KIF21A: variants seen among roughly 807,000 people sequenced by gnomAD.
KIF21A encodes the protein kinesin-like protein KIF21A.
KIF21A carries 114 observed loss-of-function variants against 202.9 expected under a neutral mutation model. The observed-to-expected ratio is 0.56, with a 90% CI of 0.48 to 0.66. The LOEUF (loss-of-function observed/expected upper bound fraction) is 0.66, where lower values mean the gene tolerates loss of function less well. KIF21A is among the 30% of genes least tolerant of loss of function. The pLI is 0.00. For missense variants in KIF21A, 1,677 were observed against 1,994.9 expected, an observed-to-expected ratio of 0.84 and a Z score of 3.04; for synonymous variants, 667 against 670.8, an observed-to-expected ratio of 0.99 and a Z score of 0.09.
intron 1 of KIF21A, among the ~76,000 whole-genome samples, chr12:39,432,339 G>A (rs573519505): frequency 1.8e-4 from 28 of 152,252 alleles, no homozygotes; most frequent in African/African-American, 6.3e-4. Context: ...TATTCTGGGT[G>A]AGCAGCACTA....
At chr12:39,359,204 T>C (rs1949019251) in intron 7 of KIF21A, among the ~76,000 whole-genome samples, 1 of 152,160 alleles carries the variant, frequency 6.6e-6, no homozygotes, top group Non-Finnish European at 1.5e-5. Context: ...ACAGTACTCG[T>C]AGGTACCCCT....
chr12:39,417,449 C>T (rs1418413843), intron 1 of KIF21A, among the ~76,000 whole-genome samples: 2 of 152,070 alleles, frequency 1.3e-5, no homozygotes, highest in Admixed American at 1.3e-4. Context: ...TTATGAAACA[C>T]ACAAGAAATG....
At chr12:39,432,405 G>C (rs1258278420) in intron 1 of KIF21A, among the ~76,000 whole-genome samples, 1 of 152,086 alleles carries the variant, frequency 6.6e-6, no homozygotes, top group African/African-American at 2.4e-5. Flanking sequence ...TTCATCAGTA[G>C]AAATGAAACA....
At chr12:39,304,535 T>C (rs953525269) in intron 35 of KIF21A, among the ~76,000 whole-genome samples, 6 of 152,192 alleles carry the variant, frequency 3.9e-5, no homozygotes, top group African/African-American at 1.4e-4. Context: ...GATCATAATA[T>C]TTTCGGGATA....
At chr12:39,344,362 A>G (rs2138482402) in intron 12 of KIF21A, among the ~76,000 whole-genome samples, 1 of 152,212 alleles carries the variant, frequency 6.6e-6, no homozygotes, top group Non-Finnish European at 1.5e-5. Flanking sequence ...TAGGGCTAGG[A>G]AAGGACAATT....
chr12:39,358,503 A>C (rs1247758358), intron 7 of KIF21A, 130 bp from the exon 8 acceptor site: 1 of 820,058 alleles, frequency 1.2e-6, no homozygotes, highest in African/African-American at 1.7e-5. Flanking sequence ...CAAATTTAAA[A>C]GCCCCTGTAC....
intron 37 of KIF21A, 27 bp downstream of exon 37, chr12:39,301,453 A>G (rs1942953928): frequency 6.4e-7 from 1 of 1,564,172 alleles, no homozygotes; most frequent in Non-Finnish European, 8.8e-7. Flanking sequence ...CAACCAATAT[A>G]GAGAAAAATC....
At chr12:39,345,837 T>G (rs1592258097) in intron 12 of KIF21A, among the ~76,000 whole-genome samples, 1 of 152,050 alleles carries the variant, frequency 6.6e-6, no homozygotes, top group East Asian at 1.9e-4. Context: ...TTTTGCTCGT[T>G]TCAAATGAAA....
intron 1 of KIF21A, among the ~76,000 whole-genome samples, chr12:39,414,774 G>T (rs1045512605): frequency 6.6e-6 from 1 of 152,090 alleles, no homozygotes; most frequent in Middle Eastern, 3.2e-3. Flanking sequence ...CAAAAATTTA[G>T]AGAGTCAATC....
intron 5 of KIF21A, 79 bp downstream of exon 5, chr12:39,366,951 C>G (rs1949643039): frequency 1.5e-6 from 2 of 1,374,978 alleles, no homozygotes; most frequent in East Asian, 4.6e-5. Flanking sequence ...GAATTTGGCT[C>G]AAATATATTC....
intron 1 of KIF21A, among the ~76,000 whole-genome samples, chr12:39,413,032 T>A (rs1287031244): frequency 1.3e-5 from 2 of 152,216 alleles, no homozygotes; most frequent in East Asian, 3.8e-4. Context: ...GATTTTGAAA[T>A]TTGAATTTGA....
intron 1 of KIF21A, among the ~76,000 whole-genome samples, chr12:39,440,457 A>G (rs1423013719): frequency 6.6e-6 from 1 of 152,216 alleles, no homozygotes; most frequent in African/African-American, 2.4e-5. Context: ...GATTGTTATG[A>G]GGAATAAATA....
At chr12:39,415,295 A>G (rs1246844473) in intron 1 of KIF21A, among the ~76,000 whole-genome samples, 1 of 124,686 alleles carries the variant, frequency 8.0e-6, no homozygotes, top group African/African-American at 3.2e-5. Flanking sequence ...GCTGGAGTGC[A>G]CTGGCGCGAT....
At chr12:39,318,231 G>A in intron 28 of KIF21A, 30 bp from the exon 29 acceptor site, 1 of 1,606,662 alleles carries the variant, frequency 6.2e-7, no homozygotes, top group Non-Finnish European at 8.5e-7. Flanking sequence ...TTAAGTAGGT[G>A]GCTTTAATTG....
At chr12:39,391,920 A>T (rs1002844251) in intron 1 of KIF21A, among the ~76,000 whole-genome samples, 1 of 152,064 alleles carries the variant, frequency 6.6e-6, no homozygotes. Flanking sequence ...TTGTATTTTT[A>T]GTAGAGACGG....
chr12:39,299,442 G>A (rs1942749728), intron 37 of KIF21A, among the ~76,000 whole-genome samples: 1 of 152,126 alleles, frequency 6.6e-6, no homozygotes, highest in East Asian at 1.9e-4. Context: ...CTATTAAAAA[G>A]TCAAAAATAA....
intron 1 of KIF21A, among the ~76,000 whole-genome samples, chr12:39,428,881 C>T (rs535305684): frequency 2.7e-5 from 4 of 149,700 alleles, no homozygotes; most frequent in East Asian, 2.0e-4. Flanking sequence ...TCACTTGAAC[C>T]GGGGAGTCAG....
intron 34 of KIF21A, 58 bp from the exon 35 acceptor site, chr12:39,304,996 A>G: frequency 2.5e-6 from 2 of 803,516 alleles, no homozygotes; most frequent in South Asian, 1.4e-5. Context: ...TGATGGGACT[A>G]AGCCTCAACA....
intron 7 of KIF21A, among the ~76,000 whole-genome samples, chr12:39,361,574 T>C (rs532282486): frequency 4.1e-4 from 29 of 70,464 alleles, no homozygotes; most frequent in African/African-American, 2.7e-3. Flanking sequence ...CAGGATGGAG[T>C]GCAGTGGCAC....
Sources: gnomAD v4.1 joint callset for allele counts (sites outside exome capture counted in the v4.1 genomes callset) on GRCh38, gnomAD v4.1.1 for gene constraint, MANE v1.5 for transcripts, NCBI Gene and HGNC (gene_info 2026-07-23, HGNC 2026-07-21) for gene names.